The following CPA5 variants were observed in gnomAD, a reference collection of about 807,000 sequenced individuals.
CPA5 encodes carboxypeptidase A5.
A neutral mutation model predicts 52.2 loss-of-function variants in CPA5; 38 were observed. The observed-to-expected ratio is 0.73, with a 90% CI of 0.56 to 0.95. The LOEUF is 0.95. Ranked by LOEUF, CPA5 falls within the 40% of genes least tolerant of loss-of-function variation. The pLI is 0.00. For missense variants in CPA5, 519 were observed against 566.7 expected, an observed-to-expected ratio of 0.92 and a Z score of 0.86; for synonymous variants, 198 against 213.7, an observed-to-expected ratio of 0.93 and a Z score of 0.64.
chr7:130,348,010 C>T (rs1301103953), intron 4 of CPA5, among the ~76,000 whole-genome samples, 163 bp downstream of exon 4: 1 of 152,146 alleles, frequency 6.6e-6, no homozygotes, highest in African/African-American at 2.4e-5. Context: ...CAGGAAAAAT[C>T]AGGAACACCT....
chr7:130,365,696 C>T (rs1796040291), intron 10 of CPA5, among the ~76,000 whole-genome samples: 1 of 152,254 alleles, frequency 6.6e-6, no homozygotes, highest in South Asian at 2.1e-4. Context: ...TTAGCTCAAA[C>T]CAGAACTAAT....
At chr7:130,357,703 T>C (rs1554405549) in intron 5 of CPA5, among the ~76,000 whole-genome samples, 1 of 152,120 alleles carries the variant, frequency 6.6e-6, no homozygotes, top group Non-Finnish European at 1.5e-5. Context: ...AAAAATTTAC[T>C]CCAAATCTGC....
At position 130,345,879 on chromosome 7, in the gene CPA5, C is replaced by A. The variant is rs914639533; in HGVS notation, c.-111C>A. On this transcript the variant is annotated 5_prime_UTR_variant, in exon 2 of 13. Transcript: ENST00000474905. ...TTCACTCAAGTTGTCTCATCTATAC[C>A]CCTTCAAACCCTGTGAGGTAGGGAG... 1 of 152,138 alleles carries A rather than the reference C, an allele frequency of 6.6e-6. No homozygotes were observed. The highest frequency in any genetic ancestry group is 1.5e-5 in the Non-Finnish European group (1 of 68,032). The allele number at this position is 152,138 out of a possible 1,614,324, so 9.4% of individuals were successfully genotyped here.
downstream of CPA5, among the ~76,000 whole-genome samples, chr7:130,369,688 C>CGT (rs551759107): frequency 2.0e-4 from 31 of 151,586 alleles, no homozygotes; most frequent in East Asian, 2.7e-3. Flanking sequence ...TGTGTGTGTC[C>CGT]GTGTGTGTGT....
Position 130,363,633 on chromosome 7 carries a change from A to T in CPA5, c.838+124A>T, listed in dbSNP as rs2117433719. The T allele has an allele frequency of 6.4e-6, 5 of 782,568 alleles. No homozygotes were observed. The South Asian group carries it at 8.4e-5, about 13-fold the overall frequency. 48.5% of individuals were successfully genotyped at this position (782,568 alleles called of 1,614,324 possible). On this transcript the variant is annotated intron_variant, in intron 10 of 12. Transcript: ENST00000474905. ...GCATGGGACAATGTAGTCAGCTAAT[A>T]TGCATGAGTCACGGCCAGGGACAGG...
chr7:130,368,040 C>A, intron 12 of CPA5, 50 bp downstream of exon 12: 2 of 1,540,252 alleles, frequency 1.3e-6, no homozygotes, highest in South Asian at 1.1e-5. Context: ...CTACCTGGGG[C>A]TGGCTGCAGG....
intron 3 of CPA5, among the ~76,000 whole-genome samples, chr7:130,347,028 C>T (rs78312097): frequency 8.3e-4 from 126 of 152,288 alleles, no homozygotes; most frequent in African/African-American, 2.8e-3. Context: ...TAGTATTACA[C>T]GCCAGGCCCT....
intron 7 of CPA5, among the ~76,000 whole-genome samples, chr7:130,362,182 G>A (rs558897762): frequency 6.6e-6 from 1 of 152,308 alleles, no homozygotes; most frequent in South Asian, 2.1e-4. Context: ...CTGGTCTTAA[G>A]ATACTTTCAA....
intron 2 of CPA5, among the ~76,000 whole-genome samples, 196 bp downstream of exon 2, chr7:130,346,092 C>G (rs4728194): frequency 0.6 from 91,001 of 152,004 alleles, 27,408 homozygotes; most frequent in African/African-American, 0.64. Flanking sequence ...GTGGGCTAGG[C>G]GGAGAAGAAG....
chr7:130,367,280 G>A (rs1294034591), intron 10 of CPA5, 92 bp from the exon 11 acceptor site: 6 of 1,128,878 alleles, frequency 5.3e-6, no homozygotes, highest in Non-Finnish European at 7.8e-6. Context: ...AAGGAGGCTG[G>A]GAAATGTAGG....
At chr7:130,350,638 C>T (rs1554403732) in intron 5 of CPA5, among the ~76,000 whole-genome samples, 1 of 152,216 alleles carries the variant, frequency 6.6e-6, no homozygotes, top group East Asian at 1.9e-4. Flanking sequence ...CCGCACGGGG[C>T]ATCCCCCCAG....
chr7:130,361,315 G>T, intron 7 of CPA5, 71 bp downstream of exon 7: 1 of 1,066,232 alleles, frequency 9.4e-7, no homozygotes. Context: ...TCTCATATGG[G>T]GTAGTGGCTG....
At position 130,368,646 on chromosome 7, in the gene CPA5, G is replaced by C. The variant is rs782188283; in HGVS notation, c.*49G>C. Reference sequence around the variant, plus strand: ...TCCATCCTTCTCCCCAAGGTCTGTGGCTCCTCCCGAAACCCAAGTTATGCA... The same window carrying C: ...TCCATCCTTCTCCCCAAGGTCTGTGCCTCCTCCCGAAACCCAAGTTATGCA... On this transcript the variant is annotated 3_prime_UTR_variant, in exon 13 of 13. Transcript: ENST00000474905. 6.3e-5 allele frequency: 101 copies of C among 1,597,418 alleles called. No individual in the cohort carries two copies. Among genetic ancestry groups the C allele is most frequent in the Non-Finnish European group, 8.4e-5 (98 of 1,169,540 alleles).
intron 10 of CPA5, among the ~76,000 whole-genome samples, chr7:130,364,810 G>T (rs1319001427): frequency 6.6e-5 from 10 of 152,236 alleles, no homozygotes. Flanking sequence ...AACCATGCAA[G>T]GGGCACAGGG....
downstream of CPA5, among the ~76,000 whole-genome samples, chr7:130,369,392 C>A (rs782080664): frequency 9.9e-5 from 15 of 152,216 alleles, no homozygotes; most frequent in Non-Finnish European, 1.5e-5. Flanking sequence ...TTCCCCCAGC[C>A]CCAGGCCTCC....
chr7:130,349,933 A>C (rs1004050794), intron 4 of CPA5, 42 bp from the exon 5 acceptor site: 1 of 1,592,412 alleles, frequency 6.3e-7, no homozygotes, highest in Non-Finnish European at 8.5e-7. Flanking sequence ...GTGTGGAAGG[A>C]CATGGAGTAA....
In CPA5 at chr7:130,368,473, T is replaced by C. The variant is rs1554409278; in HGVS notation, c.1187T>C (p.Phe396Ser). 4.3e-6 allele frequency: 7 copies of C among 1,614,014 alleles called. No homozygotes were observed. Among genetic ancestry groups the C allele is most frequent in the Non-Finnish European group, 5.9e-6 (7 of 1,180,030 alleles). The change falls in exon 13 of 13, where the codon TTT (phenylalanine) becomes TCT (serine). Residue 396 changes from phenylalanine to serine, a missense_variant. Coordinates refer to ENST00000474905, the MANE Select transcript of CPA5 (RefSeq NM_080385.5). ...YDSGIKYAFS[F>S]ELRDTGQYGF... is the part of the protein sequence containing the mutation. Reference sequence around the variant, plus strand: ...AGTGGCATCAAGTACGCCTTCAGCTTTGAGCTCCGGGACACTGGGCAGTAT... The same window carrying C: ...AGTGGCATCAAGTACGCCTTCAGCTCTGAGCTCCGGGACACTGGGCAGTAT...
At chr7:130,348,716 T>C (rs1158258885) in intron 4 of CPA5, among the ~76,000 whole-genome samples, 7 of 152,154 alleles carry the variant, frequency 4.6e-5, no homozygotes, top group African/African-American at 1.7e-4. Flanking sequence ...GACTTGGAAT[T>C]AGGGAAAGAA....
chr7:130,373,577 G>A (rs1796314025), downstream of CPA5, among the ~76,000 whole-genome samples: 1 of 152,268 alleles, frequency 6.6e-6, no homozygotes, highest in Non-Finnish European at 1.5e-5. Context: ...GGGATCCAGG[G>A]AGTGCAGTGA....
Sources: gnomAD v4.1 joint callset for allele counts (sites outside exome capture counted in the v4.1 genomes callset) on GRCh38, gnomAD v4.1.1 for gene constraint, MANE v1.5 for transcripts, NCBI Gene and HGNC (gene_info 2026-07-23, HGNC 2026-07-21) for gene names.